Variants in NUP85 observed in about 807,000 individuals in gnomAD.
The protein encoded by NUP85 is nuclear pore complex protein Nup85.
A neutral mutation model predicts 92.8 loss-of-function variants in NUP85; 23 were observed. That is an observed-to-expected ratio of 0.25 (90% CI 0.18 to 0.35). The LOEUF is 0.35. NUP85 is among the 10% of genes least tolerant of loss of function. NUP85 has a pLI of 1.00. For synonymous variants in NUP85, 314 were observed against 306.9 expected, an observed-to-expected ratio of 1.02 and a Z score of -0.24; for missense variants, 759 against 822.8, an observed-to-expected ratio of 0.92 and a Z score of 0.95.
intron 18 of NUP85, 43 bp from the exon 19 acceptor site, chr17:75,235,535 T>G (rs1280166279): frequency 6.9e-7 from 1 of 1,440,848 alleles, no homozygotes; most frequent in South Asian, 1.1e-5. Flanking sequence ...GTGAAAGGGC[T>G]CCTTCCTGCT....
In NUP85 at chr17:75,235,184, G is replaced by C; in HGVS notation, c.1852G>C (p.Asp618His). Reference sequence around the variant, plus strand: ...AAGAAGACCTGTGCATGGAGAATCTGATACCGAGCAGCTCCAGGTCATTTT... The same window carrying C: ...AAGAAGACCTGTGCATGGAGAATCTCATACCGAGCAGCTCCAGGTCATTTT... ...TSRRPVHGES[D>H]TEQLQDDDIE... Residue 618 changes from aspartate to histidine, a missense_variant, in exon 18 of 19, where the codon GAT (aspartate) becomes CAT (histidine). Asp to His is a moderately conservative substitution (Grantham distance 81). Transcript: ENST00000245544. The C allele has an allele frequency of 6.2e-7, 1 of 1,613,524 alleles. No individual in the cohort carries two copies. Among genetic ancestry groups the C allele is most frequent in the Non-Finnish European group, 8.5e-7 (1 of 1,179,648 alleles).
intron 7 of NUP85, 111 bp from the exon 8 acceptor site, chr17:75,224,992 C>G: frequency 9.2e-7 from 1 of 1,085,588 alleles, no homozygotes; most frequent in Non-Finnish European, 1.3e-6. Context: ...AGAAAGAAGC[C>G]TGTGTGTGAA....
chr17:75,218,919 A>G (rs2075516742), intron 7 of NUP85, among the ~76,000 whole-genome samples: 1 of 152,100 alleles, frequency 6.6e-6, no homozygotes, highest in Non-Finnish European at 1.5e-5. Flanking sequence ...GGGTAATGAT[A>G]TAAAACCAAT....
chr17:75,231,172 G>T lies in NUP85; in HGVS notation c.1095-168G>T. 1.5e-6 allele frequency: 1 copy of T among 664,634 alleles called. No homozygotes were observed. Among genetic ancestry groups the T allele is most frequent in the South Asian group, 1.7e-5 (1 of 57,712 alleles). The allele number at this position is 664,634 out of a possible 1,614,324, so 41.2% of individuals were successfully genotyped here. On this transcript the variant is annotated intron_variant, in intron 11 of 18. Coordinates refer to ENST00000245544, the MANE Select transcript of NUP85 (RefSeq NM_024844.5). The surrounding 1 kb of genome is among the most constrained non-coding windows in gnomAD (Gnocchi z 4.6). ...TTAAATTCCTGGACTCAGGTGATCT[G>T]CCTGCCTTGGCCTCCCAAAGTACTG... is the stretch of plus-strand genomic sequence containing the variant.
intron 5 of NUP85, among the ~76,000 whole-genome samples, chr17:75,213,862 G>GGTT (rs1568071585): frequency 2.5e-5 from 3 of 122,010 alleles, no homozygotes; most frequent in Admixed American, 8.8e-5. Context: ...CAAAACTCAA[G>GGTT]TTTTTTTTTT....
At chr17:75,228,191 A>C (rs1403224606) in intron 11 of NUP85, 8 of 985,418 alleles carry the variant, frequency 8.1e-6, no homozygotes, top group Non-Finnish European at 9.6e-6. Flanking sequence ...GAGCAGAAGA[A>C]GTCTGTTGGA....
chr17:75,224,031 A>G (rs9909255), intron 7 of NUP85, among the ~76,000 whole-genome samples: 149,148 of 152,184 alleles, frequency 0.98, 73,170 homozygotes, highest in East Asian at 1. Flanking sequence ...TGTATTAGCA[A>G]TTTTGTTTTA....
chr17:75,220,648 C>T (rs558478691), intron 7 of NUP85, among the ~76,000 whole-genome samples: 4 of 151,488 alleles, frequency 2.6e-5, no homozygotes, highest in African/African-American at 7.3e-5. Flanking sequence ...AGTGCAGTGG[C>T]GCTATCTCAG....
At chr17:75,206,310 C>T (rs927473712) in intron 1 of NUP85, among the ~76,000 whole-genome samples, 1 of 152,030 alleles carries the variant, frequency 6.6e-6, no homozygotes, top group African/African-American at 2.4e-5. Context: ...AAAAAATTCA[C>T]GCGCTTTATG....
rs1378366765 is a variant in NUP85 at position 75,232,781 on chromosome 17, C to A, written c.1397-70C>A. 3 of 1,401,842 alleles carry A rather than the reference C, an allele frequency of 2.1e-6. No homozygotes were observed. The African/African-American group carries it at 4.2e-5, about 20-fold the overall frequency. 86.8% of individuals were successfully genotyped at this position (1,401,842 alleles called of 1,614,324 possible). On this transcript the variant is annotated intron_variant, in intron 14 of 18. Coordinates refer to ENST00000245544, the MANE Select transcript of NUP85 (RefSeq NM_024844.5). The stretch of plus-strand genomic sequence containing the variant: ...AGTGAGGCTGTGAGGCCACTCCGGT[C>A]CCCACAGGGCTCAGGAATGGAGTGA...
chr17:75,206,589 G>C (rs536489075), intron 1 of NUP85, among the ~76,000 whole-genome samples: 2 of 152,236 alleles, frequency 1.3e-5, no homozygotes, highest in African/African-American at 4.8e-5. Context: ...TTACATTCTT[G>C]TGAGTCGGTG....
At chr17:75,230,650 C>T (rs1055782731) in intron 11 of NUP85, among the ~76,000 whole-genome samples, 5 of 152,090 alleles carry the variant, frequency 3.3e-5, no homozygotes, top group Admixed American at 2.0e-4. Context: ...TGAGCTACCG[C>T]GCCCGGCCAA....
chr17:75,231,278 A>G lies in NUP85; in HGVS notation c.1095-62A>G, dbSNP rs900986946. 4 of 1,530,680 alleles carry G rather than the reference A, an allele frequency of 2.6e-6. No individual in the cohort carries two copies. The highest frequency in any genetic ancestry group is 3.6e-6 in the Non-Finnish European group (4 of 1,105,120). The allele number at this position is 1,530,680 out of a possible 1,614,324, so 94.8% of individuals were successfully genotyped here. A position where few individuals can be genotyped will look rare whatever the true frequency, so the allele number is the denominator to read the frequency against. Reference sequence around the variant, plus strand: ...CATGTGGGGTTTCTTGCTCACCCCCACTCTTGTGGGACGCGGCCTGTGCCC... The same window carrying G: ...CATGTGGGGTTTCTTGCTCACCCCCGCTCTTGTGGGACGCGGCCTGTGCCC... On this transcript the variant is annotated intron_variant, in intron 11 of 18. Transcript: ENST00000245544. The surrounding 1 kb of genome is among the most constrained non-coding windows in gnomAD (Gnocchi z 4.6).
At chr17:75,226,201 CA>C in intron 11 of NUP85, 44 bp downstream of exon 11, 1 of 1,508,262 alleles carries the variant, frequency 6.6e-7, no homozygotes, top group Non-Finnish European at 9.2e-7. Flanking sequence ...TTTAGGTGTA[CA>C]AATATCACCA....
chr17:75,232,301 C>G (rs2076094428), intron 14 of NUP85, among the ~76,000 whole-genome samples: 1 of 152,202 alleles, frequency 6.6e-6, no homozygotes, highest in Non-Finnish European at 1.5e-5. Context: ...CTATTGCTAG[C>G]TCAGCCTGGC....
At chr17:75,221,926 T>G (rs2075608949) in intron 7 of NUP85, among the ~76,000 whole-genome samples, 1 of 152,160 alleles carries the variant, frequency 6.6e-6, no homozygotes, top group South Asian at 2.1e-4. Context: ...GCTGATGGAT[T>G]GATTTGATGT....
chr17:75,225,820 C>T lies in NUP85; in HGVS notation c.978C>T (p.Tyr326=). The change falls in exon 10 of 19, where the codon TAC becomes TAT. Residue 326 remains tyrosine (Y), a synonymous_variant. Coordinates refer to ENST00000245544, the MANE Select transcript of NUP85 (RefSeq NM_024844.5). ...CAGTAAAACCCATTGATCTGCACTA[C>T]TATGCCCAGGTGAGTGAGCTCGGGG... ...NPTVKPIDLH[Y]YAQSSLDLFL... is the part of the protein sequence containing the mutation. 2.5e-6 allele frequency: 4 copies of T among 1,613,936 alleles called. No individual in the cohort carries two copies. Among genetic ancestry groups the T allele is most frequent in the Non-Finnish European group, 3.4e-6 (4 of 1,179,914 alleles).
chr17:75,228,748 T>C (rs1371716819), intron 11 of NUP85: 3 of 985,298 alleles, frequency 3.0e-6, no homozygotes, highest in Non-Finnish European at 3.6e-6. Context: ...CACCTTCATA[T>C]GAACATGGAG....
At chr17:75,214,685 C>T (rs534217955) in intron 5 of NUP85, among the ~76,000 whole-genome samples, 1 of 151,844 alleles carries the variant, frequency 6.6e-6, no homozygotes, top group Non-Finnish European at 1.5e-5. Flanking sequence ...ACGGAAACTC[C>T]ATCTCTACTA....
Sources: gnomAD v4.1 joint callset for allele counts (sites outside exome capture counted in the v4.1 genomes callset) on GRCh38, gnomAD v4.1.1 for gene constraint, Gnocchi (gnomAD v3.1) non-coding constraint, MANE v1.5 for transcripts, NCBI Gene and HGNC (gene_info 2026-07-23, HGNC 2026-07-21) for gene names.